The following PALB2 variants were observed in gnomAD, a reference collection of about 807,000 sequenced individuals.
PALB2 encodes mutant partner and localizer of BRCA2.
In PALB2, 82 loss-of-function variants were observed where a neutral mutation model predicts 107.4. That is an observed-to-expected ratio of 0.76 (90% CI 0.64 to 0.92). The LOEUF is 0.92. PALB2 is among the 40% of genes least tolerant of loss of function. PALB2 has a pLI of 0.00. For missense variants in PALB2, 1,374 were observed against 1,379.9 expected (o/e 1.00, Z 0.07); for synonymous variants, 489 against 496.8 (o/e 0.98, Z 0.21).
At chr16:23,629,554 C>A in intron 5 of PALB2, 86 bp downstream of exon 5, 1 of 1,301,744 alleles carries the variant, frequency 7.7e-7, no homozygotes, top group Non-Finnish European at 1.1e-6. Flanking sequence ...CGTGGAAGGC[C>A]CAATGCGCAA....
intron 11 of PALB2, among the ~76,000 whole-genome samples, chr16:23,610,237 C>T (rs1237324746): frequency 6.6e-6 from 1 of 151,694 alleles, no homozygotes; most frequent in African/African-American, 2.4e-5. Flanking sequence ...AAGTATTTGC[C>T]GTCTGGTCAT....
intron 9 of PALB2, among the ~76,000 whole-genome samples, 168 bp from the exon 10 acceptor site, chr16:23,621,646 T>C (rs1966776479): frequency 6.6e-6 from 1 of 152,242 alleles, no homozygotes; most frequent in African/African-American, 2.4e-5. Context: ...CATATATTAC[T>C]TTCATAATAT....
At chr16:23,637,826 C>T (rs769849597) in intron 3 of PALB2, 24 bp downstream of exon 3, 43 of 1,542,128 alleles carry the variant, frequency 2.8e-5, no homozygotes, top group Non-Finnish European at 3.2e-5. Flanking sequence ...ATAAAGCAGG[C>T]ATAAGTGAAT....
chr16:23,619,988 C>T (rs1011673661), intron 10 of PALB2, among the ~76,000 whole-genome samples: 1 of 152,254 alleles, frequency 6.6e-6, no homozygotes, highest in East Asian at 1.9e-4. Flanking sequence ...CCTTGTTGGC[C>T]AGGCTGGTCT....
intron 11 of PALB2, among the ~76,000 whole-genome samples, chr16:23,611,448 G>GTTA (rs899503234): frequency 6.7e-5 from 10 of 148,288 alleles, no homozygotes; most frequent in South Asian, 2.1e-4. Flanking sequence ...GCCCAGCCTA[G>GTTA]TTATTATTAT....
intron 2 of PALB2, 33 bp from the exon 3 acceptor site, chr16:23,637,985 T>C: frequency 6.2e-7 from 1 of 1,606,552 alleles, no homozygotes; most frequent in African/African-American, 1.3e-5. Context: ...CAGAAATACG[T>C]TTTCTTTAAA....
rs1597096669 is a variant in PALB2, at chr16:23,635,325, T to A, written c.1221A>T (p.Glu407Asp). The part of the protein sequence containing the change: ...TVPEGLLFPA[E>D]YYVRTTRSMS... Reference sequence around the variant, plus strand: ...TGCTTCGTGTTGTTCTAACATAATATTCTGCAGGAAACAGAAGGCCTTCAG... The same window carrying A: ...TGCTTCGTGTTGTTCTAACATAATAATCTGCAGGAAACAGAAGGCCTTCAG... The change falls in exon 4 of 13, where the codon GAA (glutamate) becomes GAT (aspartate). Residue 407 changes from glutamate to aspartate, a missense_variant. By Grantham distance (45) the Glu-to-Asp change is conservative. Coordinates refer to ENST00000261584, the MANE Select transcript of PALB2 (RefSeq NM_024675.4). The A allele has an allele frequency of 6.2e-7, 1 of 1,614,130 alleles. No homozygotes were observed. The highest frequency in any genetic ancestry group is 1.1e-5 in the South Asian group (1 of 91,088).
intron 11 of PALB2, among the ~76,000 whole-genome samples, chr16:23,608,310 C>A (rs1966519073): frequency 6.6e-6 from 1 of 152,094 alleles, no homozygotes; most frequent in African/African-American, 2.4e-5. Flanking sequence ...CCACCTCAGC[C>A]TCCCAAAGTG....
At position 23,635,076 on chromosome 16, in the gene PALB2, G is replaced by C. The variant is rs45612837; in HGVS notation, c.1470C>G (p.Pro490=). 6.2e-7 allele frequency: 1 copy of C among 1,614,134 alleles called. No homozygotes were observed. Among genetic ancestry groups the C allele is most frequent in the Non-Finnish European group, 8.5e-7 (1 of 1,180,018 alleles). ...KLLSLTKVSS[P]AGPTEDNDLS... is the part of the protein sequence containing the mutation. Reference sequence around the variant, plus strand: ...AGTCATTATCTTCAGTGGGCCCAGCGGGAGAGCTGACTTTAGTTAATGAGA... The same window carrying C: ...AGTCATTATCTTCAGTGGGCCCAGCCGGAGAGCTGACTTTAGTTAATGAGA... The change falls in exon 4 of 13, where the codon CCC becomes CCG. Residue 490 remains proline, a synonymous_variant. Coordinates refer to ENST00000261584, the MANE Select transcript of PALB2 (RefSeq NM_024675.4).
In PALB2 at chr16:23,635,690, G is replaced by A. The variant is rs45585833; in HGVS notation, c.856C>T (p.Pro286Ser). The stretch of plus-strand genomic sequence containing the variant: ...TTGCCTTGTGCCTCCAAACTTACAG[G>A]TGAAGTAAATCTAATGTTTTTTAGG... ...HDLKNIRFTSPVSLEAQGKKM... is the reference protein window; with the variant it reads ...HDLKNIRFTSSVSLEAQGKKM... The change falls in exon 4 of 13, where the codon CCT becomes TCT. Residue 286 changes from proline (P) to serine (S), a missense_variant. By Grantham distance (74) the Pro-to-Ser change is moderately conservative. Transcript: ENST00000261584. 30 of 1,613,994 alleles carry A rather than the reference G, an allele frequency of 1.9e-5. No individual in the cohort carries two copies. The highest frequency in any genetic ancestry group is 2.5e-5 in the Non-Finnish European group (29 of 1,179,998).
chr16:23,626,851 C>A (rs958534127), intron 6 of PALB2, among the ~76,000 whole-genome samples: 5 of 151,988 alleles, frequency 3.3e-5, no homozygotes, highest in Non-Finnish European at 7.3e-5. Context: ...GAACTCCTGA[C>A]CTCAAGTGAT....
chr16:23,614,126 C>T, intron 10 of PALB2, 35 bp from the exon 11 acceptor site: 2 of 1,442,580 alleles, frequency 1.4e-6, no homozygotes, highest in Non-Finnish European at 1.9e-6. Flanking sequence ...TGATCACATT[C>T]TTCCAACAAA....
chr16:23,623,075 C>T lies in PALB2; in HGVS notation c.2890G>A (p.Gly964Arg), dbSNP rs587781280. The T allele has an allele frequency of 1.2e-6, 2 of 1,614,058 alleles. No homozygotes were observed. The highest frequency in any genetic ancestry group is 1.7e-6 in the Non-Finnish European group (2 of 1,179,974). ...AGGCCAAGCACAGCTTTTATATTTC[C>T]AGACTTCAGTAGTACTTGCTTTTCA... ...ESEKQVLLKSGNIKAVLGLTK... is the reference protein window; with the variant it reads ...ESEKQVLLKSRNIKAVLGLTK... Residue 964 changes from glycine (G) to arginine (R), a missense_variant, in exon 9 of 13, where the codon GGA becomes AGA. By Grantham distance (125) the Gly-to-Arg change is moderately radical. Coordinates refer to ENST00000261584, the MANE Select transcript of PALB2 (RefSeq NM_024675.4).
rs749022305 is a variant in PALB2, at chr16:23,613,974, A to G, written c.3201+30T>C. The G allele has an allele frequency of 1.1e-5, 17 of 1,532,974 alleles. No homozygotes were observed. The South Asian group carries it at 1.9e-4, about 17-fold the overall frequency. 95.0% of individuals were successfully genotyped at this position (1,532,974 alleles called of 1,614,324 possible). A position where few individuals can be genotyped will look rare whatever the true frequency, so the allele number is the denominator to read the frequency against. On this transcript the variant is annotated intron_variant, in intron 11 of 12. Coordinates refer to ENST00000261584, the MANE Select transcript of PALB2 (RefSeq NM_024675.4). ...CACTTAATGAGACCAACAGTAACAC[A>G]CAAAGTGGTCCCAGCCAGTCATTAC...
At chr16:23,622,347 G>GGTCTAGGAC (rs1333591725) in intron 9 of PALB2, among the ~76,000 whole-genome samples, 1 of 151,896 alleles carries the variant, frequency 6.6e-6, no homozygotes, top group Non-Finnish European at 1.5e-5. Flanking sequence ...ACGAGGAAAG[G>GGTCTAGGAC]GTCTAGGACC....
intron 6 of PALB2, among the ~76,000 whole-genome samples, chr16:23,628,221 A>C (rs1034646912): frequency 2.6e-5 from 4 of 152,186 alleles, no homozygotes; most frequent in African/African-American, 9.6e-5. Context: ...TAGGCAACAG[A>C]CTCTGTCTCA....
intron 10 of PALB2, among the ~76,000 whole-genome samples, chr16:23,615,059 C>A (rs1365025810): frequency 1.3e-5 from 2 of 150,824 alleles, no homozygotes; most frequent in Non-Finnish European, 2.9e-5. Context: ...AGCAATTCTT[C>A]CACCTCAGCC....
At chr16:23,622,100 T>C (rs975953641) in intron 9 of PALB2, among the ~76,000 whole-genome samples, 3 of 152,320 alleles carry the variant, frequency 2.0e-5, no homozygotes, top group Admixed American at 6.5e-5. Flanking sequence ...TTTTAGAAGA[T>C]ACATGAATAA....
chr16:23,603,300 A>C lies in PALB2; in HGVS notation c.*159T>G. The C allele has an allele frequency of 1.6e-6, 1 of 636,958 alleles. No homozygotes were observed. Among genetic ancestry groups the C allele is most frequent in the Non-Finnish European group, 2.7e-6 (1 of 364,984 alleles). 39.5% of individuals were successfully genotyped at this position (636,958 alleles called of 1,614,324 possible). A position where few individuals can be genotyped will look rare whatever the true frequency, so the allele number is the denominator to read the frequency against. ...TATACATAAATGTACATCCAAGATC[A>C]GTGGTGCTACCATCATTAGAATAAA... On this transcript the variant is annotated 3_prime_UTR_variant, in exon 13 of 13. Coordinates refer to ENST00000261584, the MANE Select transcript of PALB2 (RefSeq NM_024675.4).
Sources: gnomAD v4.1 joint callset for allele counts (sites outside exome capture counted in the v4.1 genomes callset) on GRCh38, gnomAD v4.1.1 for gene constraint, MANE v1.5 for transcripts, NCBI Gene and HGNC (gene_info 2026-07-23, HGNC 2026-07-21) for gene names.